The following LAT2 variants were observed in gnomAD, a reference collection of about 807,000 sequenced individuals.
LAT2 encodes linker for activation of T-cells family member 2.
LAT2 carries 23 observed loss-of-function variants against 43.4 expected under a neutral mutation model. The ratio of observed to expected loss-of-function variants is 0.53; its 90% CI spans 0.38 to 0.75. LAT2 has a LOEUF of 0.75. Among genes scored for constraint, LAT2 ranks in the 30% least tolerant of loss-of-function variants. LAT2 has a pLI of 0.00. For missense variants in LAT2, 284 were observed against 310.2 expected, an observed-to-expected ratio of 0.92 and a Z score of 0.64; for synonymous variants, 128 against 123.2, an observed-to-expected ratio of 1.04 and a Z score of -0.26.
intron 13 of LAT2, among the ~76,000 whole-genome samples, chr7:74,227,063 T>C (rs1486161119): frequency 1.3e-5 from 2 of 150,306 alleles, no homozygotes; most frequent in African/African-American, 2.4e-5. Context: ...TTCTTTTTTT[T>C]TTTTTTTCGT....
At chr7:74,223,846 C>T in intron 11 of LAT2, 63 bp downstream of exon 11, 1 of 1,540,806 alleles carries the variant, frequency 6.5e-7, no homozygotes, top group Non-Finnish European at 9.0e-7. Flanking sequence ...GGCCAGGTGC[C>T]CCTGCACTCC....
At chr7:74,210,196 T>C in intron 1 of LAT2, 108 bp downstream of exon 1, 1 of 152,578 alleles carries the variant, frequency 6.6e-6, no homozygotes, top group Non-Finnish European at 1.5e-5. Context: ...TGGCGCCCCC[T>C]CCCGCAGCCC....
chr7:74,220,753 G>T lies in LAT2; in HGVS notation c.332+19G>T. On this transcript the variant is annotated intron_variant, in intron 9 of 13. Transcript: ENST00000460943. The surrounding 1 kb of genome is among the most constrained non-coding windows in gnomAD (Gnocchi z 4.5). ...CCTACATGTGAGTGACCTTGATCCT[G>T]TCCCCCCTGCCTCGCCTCTCCCCCT... 1 of 1,539,812 alleles carries T rather than the reference G, an allele frequency of 6.5e-7. No individual in the cohort carries two copies. Among genetic ancestry groups the T allele is most frequent in the African/African-American group, 1.4e-5 (1 of 73,128 alleles).
chr7:74,214,170 A>C (rs1386198891), intron 1 of LAT2, among the ~76,000 whole-genome samples: 1 of 108,288 alleles, frequency 9.2e-6, no homozygotes, highest in East Asian at 2.3e-4. Context: ...ATGAAAATAT[A>C]TATATGAAAA....
At chr7:74,221,410 C>CAA (rs782694803) in intron 9 of LAT2, among the ~76,000 whole-genome samples, 308 of 21,056 alleles carry the variant, frequency 0.015, 27 homozygotes, top group African/African-American at 0.023. Context: ...GACTCTGTCT[C>CAA]AAAAAAAAAA....
chr7:74,216,500 T>C (rs927805912), intron 3 of LAT2, among the ~76,000 whole-genome samples: 1 of 152,080 alleles, frequency 6.6e-6, no homozygotes, highest in Non-Finnish European at 1.5e-5. Context: ...ACCCCCTGAG[T>C]AGCTGGGACT....
At chr7:74,226,970 G>A (rs548473751) in intron 13 of LAT2, among the ~76,000 whole-genome samples, 4 of 152,056 alleles carry the variant, frequency 2.6e-5, no homozygotes, top group Admixed American at 6.6e-5. Flanking sequence ...GGCCGTTGGT[G>A]GGGAGGCTGA....
At chr7:74,227,070 T>C (rs548599206) in intron 13 of LAT2, among the ~76,000 whole-genome samples, 3 of 144,052 alleles carry the variant, frequency 2.1e-5, no homozygotes, top group South Asian at 2.2e-4. Context: ...TTTTTTTTTT[T>C]CGTTCCTGTC....
chr7:74,219,910 G>T, intron 5 of LAT2, 50 bp from the exon 6 acceptor site: 1 of 1,612,262 alleles, frequency 6.2e-7, no homozygotes, highest in Non-Finnish European at 8.5e-7. Flanking sequence ...GGGTGAGGGG[G>T]CTGGGCTAGC....
intron 10 of LAT2, 127 bp downstream of exon 10, chr7:74,221,819 C>A: frequency 3.0e-6 from 2 of 665,716 alleles, no homozygotes; most frequent in Non-Finnish European, 4.9e-6. Flanking sequence ...GTTGGGTGGA[C>A]AGAAGGAGGC....
rs35725154 is a variant in LAT2 at position 74,224,686 on chromosome 7, G to A, written c.676G>A (p.Glu226Lys). 236 of 1,608,604 alleles carry A rather than the reference G, an allele frequency of 1.5e-4. No individual in the cohort carries two copies. The African/African-American group carries it at 2.4e-3, about 17-fold the overall frequency. The change falls in exon 13 of 14, where the codon GAG becomes AAG. Residue 226 changes from glutamate (E) to lysine (K), a missense_variant. Physicochemically the swap from Glu to Lys is moderately conservative, Grantham distance 56 (BLOSUM62 1). Transcript: ENST00000460943. Reference sequence around the variant, plus strand: ...CCCTGGCCCGGTGGGAAGCCCAGACGAGGAGGACGGGGAACCGGATTACGT... The same window carrying A: ...CCCTGGCCCGGTGGGAAGCCCAGACAAGGAGGACGGGGAACCGGATTACGT... The part of the protein sequence containing the change: ...ASPGPVGSPD[E>K]EDGEPDYVNG...
intron 10 of LAT2, among the ~76,000 whole-genome samples, chr7:74,223,011 A>G (rs2116175711): frequency 6.6e-6 from 1 of 152,312 alleles, no homozygotes; most frequent in African/African-American, 2.4e-5. Context: ...TGGGTCCCCG[A>G]GCAAAGCATC....
chr7:74,214,229 A>ATAT (rs1801874074), intron 1 of LAT2, among the ~76,000 whole-genome samples: 1 of 73,842 alleles, frequency 1.4e-5, no homozygotes, highest in Non-Finnish European at 2.3e-5. Context: ...TATATATGAA[A>ATAT]ATATATATGA....
At chr7:74,224,262 G>C in intron 12 of LAT2, 65 bp downstream of exon 12, 1 of 1,542,274 alleles carries the variant, frequency 6.5e-7, no homozygotes, top group Non-Finnish European at 8.8e-7. Flanking sequence ...TGGCCTGGAA[G>C]GGCAGGCTGA....
intron 3 of LAT2, among the ~76,000 whole-genome samples, chr7:74,216,579 C>G (rs1554714331): frequency 6.6e-6 from 1 of 152,122 alleles, no homozygotes; most frequent in Non-Finnish European, 1.5e-5. Context: ...CCCATGTTGG[C>G]CAGGCTGGTC....
intron 1 of LAT2, 94 bp from the exon 2 acceptor site, chr7:74,214,726 TAA>T (rs1801958413): frequency 9.4e-6 from 1 of 106,276 alleles, no homozygotes; most frequent in African/African-American, 4.1e-5. Context: ...TATAAAAATA[TAA>T]ATATATATAA....
At chr7:74,216,975 G>A (rs369391170) in intron 4 of LAT2, 111 bp downstream of exon 4, 26 of 917,310 alleles carry the variant, frequency 2.8e-5, no homozygotes, top group South Asian at 2.8e-4. Flanking sequence ...CACCTCCTCC[G>A]TGCCAAGTTC....
At position 74,213,630 on chromosome 7, in the gene LAT2, G is replaced by A. The variant is rs547911775; in HGVS notation, c.-218-1192G>A. Among the ~76,000 whole-genome samples, 18 of 151,898 alleles carry A rather than the reference G, an allele frequency of 1.2e-4. 1 individual carries two copies. In the South Asian group the frequency reaches 3.5e-3, roughly 30 times the overall value. The stretch of plus-strand genomic sequence containing the variant: ...AGTAGAGATGGGGTTTCACCATGTT[G>A]GTCAGGCTAGTCTCGAACTCCCGAC... On this transcript the variant is annotated intron_variant, in intron 1 of 13. Coordinates refer to ENST00000460943, the MANE Select transcript of LAT2 (RefSeq NM_032464.3).
chr7:74,223,881 T>C, intron 11 of LAT2, 98 bp downstream of exon 11: 1 of 1,492,712 alleles, frequency 6.7e-7, no homozygotes, highest in South Asian at 1.1e-5. Flanking sequence ...CCGCCCCCAC[T>C]TTGAAGCCTG....
Sources: allele counts gnomAD v4.1 joint callset (sites outside exome capture counted in the v4.1 genomes callset), GRCh38; gene constraint gnomAD v4.1.1; non-coding constraint Gnocchi (gnomAD v3.1); transcripts MANE v1.5; gene names NCBI Gene and HGNC (gene_info 2026-07-23, HGNC 2026-07-21).